The following NUP205 variants were observed in gnomAD, a reference collection of about 807,000 sequenced individuals.
The protein encoded by NUP205 is nuclear pore complex protein Nup205.
In NUP205, 76 loss-of-function variants were observed where a neutral mutation model predicts 253.8. The observed-to-expected ratio is 0.30, with a 90% confidence interval of 0.25 to 0.36. NUP205 has a LOEUF of 0.36. Ranked by LOEUF, NUP205 falls within the 10% of genes least tolerant of loss-of-function variation. NUP205 has a pLI of 1.00. For missense variants in NUP205, 2,162 were observed against 2,425.5 expected, an observed-to-expected ratio of 0.89 and a Z score of 2.28; for synonymous variants, 832 against 850.1, an observed-to-expected ratio of 0.98 and a Z score of 0.37.
chr7:135,565,608 T>G (rs1170847937), intron 1 of NUP205, among the ~76,000 whole-genome samples: 1 of 151,968 alleles, frequency 6.6e-6, no homozygotes, highest in African/African-American at 2.4e-5. Context: ...AATTTTGTAT[T>G]TTTAGTAGAG....
At chr7:135,558,571 A>G (rs1805497682) in intron 1 of NUP205, among the ~76,000 whole-genome samples, 2 of 152,166 alleles carry the variant, frequency 1.3e-5, no homozygotes, top group African/African-American at 4.8e-5. Context: ...AATTGAATCT[A>G]GAAGGTAGTA....
At chr7:135,584,557 A>T (rs912771641) in intron 7 of NUP205, among the ~76,000 whole-genome samples, 3 of 152,230 alleles carry the variant, frequency 2.0e-5, no homozygotes, top group African/African-American at 4.8e-5. Context: ...TCAGTGTTGC[A>T]TCACACATCT....
chr7:135,578,514 A>T (rs1442708109), intron 6 of NUP205, among the ~76,000 whole-genome samples: 1 of 152,226 alleles, frequency 6.6e-6, no homozygotes, highest in South Asian at 2.1e-4. Context: ...GTACACTTAT[A>T]AAAATGACTG....
At chr7:135,638,781 TA>T (rs1794865233) in intron 38 of NUP205, 98 bp downstream of exon 38, 10 of 1,196,462 alleles carry the variant, frequency 8.4e-6, no homozygotes, top group Middle Eastern at 1.9e-4. Flanking sequence ...TATTTTCTTT[TA>T]AGTGTCATTA....
At position 135,628,097 on chromosome 7, in the gene NUP205, C is replaced by T. The variant is rs138883839; in HGVS notation, c.4918C>T (p.Gln1640Ter). ...ILTSSMAQHL[Q>*]AAGQVLQFLI... is the part of the protein sequence containing the mutation. Reference sequence around the variant, plus strand: ...CACATCTAGTATGGCCCAGCACTTGCAGGCAGCAGGGCAGGTAAGGTGAAC... The same window carrying T: ...CACATCTAGTATGGCCCAGCACTTGTAGGCAGCAGGGCAGGTAAGGTGAAC... Residue 1640 changes from glutamine to a stop codon, truncating the protein, a stop_gained, in exon 34 of 43, where the codon CAG (glutamine) becomes TAG (stop). Transcript: ENST00000285968. LOFTEE classifies it high-confidence loss of function. 2 of 1,608,612 alleles carry T rather than the reference C, an allele frequency of 1.2e-6. No homozygotes were observed. The highest frequency in any genetic ancestry group is 1.7e-6 in the Non-Finnish European group (2 of 1,178,146).
intron 35 of NUP205, among the ~76,000 whole-genome samples, chr7:135,631,507 A>T (rs1399762441): frequency 6.6e-6 from 1 of 152,222 alleles, no homozygotes; most frequent in African/African-American, 2.4e-5. Context: ...AGATGAAATG[A>T]TGACTTCTTT....
rs1317828711 is a variant in NUP205, at chr7:135,631,806, G to A, written c.5059+1336G>A. Among the ~76,000 whole-genome samples the A allele has an allele frequency of 2.0e-5, 3 of 148,002 alleles. No individual in the cohort carries two copies. The Admixed American group carries it at 2.1e-4, about 10-fold the overall frequency. ...GCTCTGTCGCCCAGGCTAGAGTGCA[G>A]TGGCGCGATCTCGGCTCACTGCAAG... On this transcript the variant is annotated intron_variant, in intron 35 of 42. Coordinates refer to ENST00000285968, the MANE Select transcript of NUP205 (RefSeq NM_015135.3).
intron 41 of NUP205, chr7:135,645,822 A>G (rs1341838954): frequency 2.1e-5 from 12 of 580,482 alleles, no homozygotes; most frequent in South Asian, 1.1e-4. Flanking sequence ...GCTGTTCCTT[A>G]GCTTCTTGCT....
intron 22 of NUP205, among the ~76,000 whole-genome samples, chr7:135,609,783 C>T (rs1207549092): frequency 6.6e-6 from 1 of 152,200 alleles, no homozygotes; most frequent in African/African-American, 2.4e-5. Flanking sequence ...CATCCCTTCA[C>T]TGTAAGTACT....
intron 39 of NUP205, among the ~76,000 whole-genome samples, chr7:135,643,731 T>C: frequency 6.6e-6 from 1 of 152,190 alleles, no homozygotes; most frequent in Admixed American, 6.5e-5. Flanking sequence ...TTAGCAAATC[T>C]TTCAAACAAA....
intron 34 of NUP205, among the ~76,000 whole-genome samples, chr7:135,629,007 A>G (rs2129491936): frequency 6.6e-6 from 1 of 152,364 alleles, no homozygotes; most frequent in South Asian, 2.1e-4. Flanking sequence ...ACATTATGAT[A>G]TAAGACACTG....
At chr7:135,560,589 A>G (rs1216612198) in intron 1 of NUP205, among the ~76,000 whole-genome samples, 2 of 152,250 alleles carry the variant, frequency 1.3e-5, no homozygotes, top group African/African-American at 4.8e-5. Flanking sequence ...CATAATACAT[A>G]TACATGCATA....
intron 15 of NUP205, 40 bp from the exon 16 acceptor site, chr7:135,600,830 T>TGGC (rs1425221600): frequency 8.2e-7 from 1 of 1,221,772 alleles, no homozygotes; most frequent in Admixed American, 1.9e-5. Context: ...ACCACCTTGG[T>TGGC]CTGTTTTATT....
Position 135,577,773 on chromosome 7 carries a change from GATAGTC to G in NUP205, c.649-20_649-15del. On this transcript the variant is annotated splice_polypyrimidine_tract_variant and intron_variant, in intron 5 of 42. Coordinates refer to ENST00000285968, the MANE Select transcript of NUP205 (RefSeq NM_015135.3). Reference sequence around the variant, plus strand: ...GGCTTCACTGTAATTTATTTATACTGATAGTCATGTTTTTATTTCTAGGTTTCTGAT... The same window carrying G: ...GGCTTCACTGTAATTTATTTATACTGATGTTTTTATTTCTAGGTTTCTGAT... The G allele has an allele frequency of 6.5e-7, 1 of 1,544,126 alleles. No homozygotes were observed. The highest frequency in any genetic ancestry group is 9.0e-7 in the Non-Finnish European group (1 of 1,116,778).
intron 7 of NUP205, among the ~76,000 whole-genome samples, chr7:135,579,690 G>C (rs1309266044): frequency 1.3e-5 from 2 of 152,016 alleles, no homozygotes; most frequent in Non-Finnish European, 2.9e-5. Flanking sequence ...TTGTGGCCCA[G>C]GCTGGAGTGC....
intron 8 of NUP205, 97 bp downstream of exon 8, chr7:135,585,104 AT>A: frequency 9.4e-7 from 1 of 1,065,722 alleles, no homozygotes; most frequent in Non-Finnish European, 1.3e-6. Flanking sequence ...ACTAATAAAA[AT>A]TTTTAATACA....
At chr7:135,634,022 T>C (rs1244223506) in intron 35 of NUP205, among the ~76,000 whole-genome samples, 1 of 152,222 alleles carries the variant, frequency 6.6e-6, no homozygotes, top group African/African-American at 2.4e-5. Context: ...CCTAGCCCAC[T>C]ACCGTGTATG....
chr7:135,599,291 A>G (rs184702219), intron 15 of NUP205, among the ~76,000 whole-genome samples: 13 of 152,234 alleles, frequency 8.5e-5, no homozygotes, highest in Non-Finnish European at 1.3e-4. Context: ...AGCATAGTTT[A>G]TTCACTGCCC....
At chr7:135,609,192 A>T (rs1032908158) in intron 22 of NUP205, among the ~76,000 whole-genome samples, 2 of 151,784 alleles carry the variant, frequency 1.3e-5, no homozygotes, top group Admixed American at 6.6e-5. Context: ...CATTTTTAGG[A>T]TAAGAAATGG....
Sources: gnomAD v4.1 joint callset for allele counts (sites outside exome capture counted in the v4.1 genomes callset) on GRCh38, gnomAD v4.1.1 for gene constraint, MANE v1.5 for transcripts, NCBI Gene and HGNC (gene_info 2026-07-23, HGNC 2026-07-21) for gene names.